Variants in CSPP1 observed in about 807,000 individuals in gnomAD.
CSPP1 encodes centrosome and spindle pole-associated protein 1.
In CSPP1, 126 loss-of-function variants were observed where a neutral mutation model predicts 164.4. The ratio of observed to expected loss-of-function variants is 0.77; its 90% CI spans 0.66 to 0.89. CSPP1 has a LOEUF of 0.89. CSPP1 is among the 40% of genes least tolerant of loss of function. The pLI is 0.00. For synonymous variants in CSPP1, 472 were observed against 476.7 expected, an observed-to-expected ratio of 0.99 and a Z score of 0.13; for missense variants, 1,395 against 1,449.8, an observed-to-expected ratio of 0.96 and a Z score of 0.61.
intron 21 of CSPP1, among the ~76,000 whole-genome samples, chr8:67,160,354 A>G (rs1158463285): frequency 1.3e-5 from 2 of 151,618 alleles, no homozygotes; most frequent in Non-Finnish European, 2.9e-5. Flanking sequence ...AGTCCCAGCT[A>G]CTCAGGAGGC....
intron 9 of CSPP1, among the ~76,000 whole-genome samples, chr8:67,110,420 A>G (rs1305549606): frequency 2.0e-5 from 3 of 152,162 alleles, no homozygotes; most frequent in Non-Finnish European, 4.4e-5. Flanking sequence ...CACCAAGAAC[A>G]TAGCTGGCTG....
intron 15 of CSPP1, among the ~76,000 whole-genome samples, chr8:67,124,281 G>A (rs1468960340): frequency 1.3e-5 from 2 of 151,782 alleles, no homozygotes; most frequent in African/African-American, 4.8e-5. Flanking sequence ...GAGTTTTTTT[G>A]TGGTTTCCCT....
intron 18 of CSPP1, among the ~76,000 whole-genome samples, chr8:67,153,368 T>A (rs376831607): frequency 6.6e-6 from 1 of 152,284 alleles, no homozygotes; most frequent in East Asian, 1.9e-4. Flanking sequence ...ATTGCTTTTA[T>A]GAAATAATTT....
At chr8:67,079,185 G>C (rs1563498046) in intron 3 of CSPP1, among the ~76,000 whole-genome samples, 1 of 152,242 alleles carries the variant, frequency 6.6e-6, no homozygotes, top group Non-Finnish European at 1.5e-5. Flanking sequence ...TTTACTGTTA[G>C]TGTGTTCATG....
intron 17 of CSPP1, among the ~76,000 whole-genome samples, chr8:67,149,156 T>C (rs1019240968): frequency 2.0e-5 from 3 of 152,180 alleles, no homozygotes; most frequent in Non-Finnish European, 2.9e-5. Context: ...TAGGGCTCCC[T>C]TAGTGTCCTT....
intron 1 of CSPP1, chr8:67,065,682 T>G (rs1317662066): frequency 5.3e-6 from 1 of 189,138 alleles, no homozygotes; most frequent in Non-Finnish European, 9.8e-6. Flanking sequence ...CTCGCTCTGT[T>G]GTACAGGCTG....
In CSPP1 at chr8:67,193,537, TTA is replaced by T. The variant is rs2129575958; in HGVS notation, c.3405_3406del (p.Arg1136SerfsTer4). The stretch of plus-strand genomic sequence containing the variant: ...ATATCCAGTGTAAATGTTGATGAGC[TTA>T]GAGTGAGAAATGAGGAACGAATGCG... On this transcript the variant is annotated frameshift_variant, in exon 30 of 31. Coordinates refer to ENST00000678616, the MANE Select transcript of CSPP1 (RefSeq NM_001382391.1). LOFTEE classifies it high-confidence loss of function. The T allele has an allele frequency of 6.2e-7, 1 of 1,613,414 alleles. No individual in the cohort carries two copies. The highest frequency in any genetic ancestry group is 8.5e-7 in the Non-Finnish European group (1 of 1,179,310).
chr8:67,195,010 T>G (rs1324040262), intron 30 of CSPP1, among the ~76,000 whole-genome samples: 1 of 152,212 alleles, frequency 6.6e-6, no homozygotes, highest in Admixed American at 6.5e-5. Context: ...AGAAATTTTA[T>G]GTGTAGCCAT....
chr8:67,171,244 C>G (rs116931494), intron 24 of CSPP1, among the ~76,000 whole-genome samples: 7,017 of 151,368 alleles, frequency 0.046, 235 homozygotes, highest in Non-Finnish European at 0.074. Context: ...ACTAAAAATA[C>G]AGAAAAATCA....
chr8:67,159,236 T>G, intron 21 of CSPP1, 99 bp downstream of exon 21: 17 of 874,712 alleles, frequency 1.9e-5, no homozygotes, highest in East Asian at 2.7e-5. Context: ...GAGGAGGAGG[T>G]GCTTTTGTTC....
At chr8:67,165,463 CCTT>C (rs1314829140) in intron 24 of CSPP1, among the ~76,000 whole-genome samples, 27 of 152,308 alleles carry the variant, frequency 1.8e-4, no homozygotes, top group African/African-American at 6.0e-4. Flanking sequence ...CTAATGTTCT[CCTT>C]CTGTTCATGG....
At chr8:67,159,239 T>A in intron 21 of CSPP1, 102 bp downstream of exon 21, 6 of 1,049,320 alleles carry the variant, frequency 5.7e-6, no homozygotes, top group Non-Finnish European at 7.0e-6. Flanking sequence ...GAGGAGGTGC[T>A]TTTGTTCCTG....
At chr8:67,080,113 G>A (rs937717332) in intron 3 of CSPP1, among the ~76,000 whole-genome samples, 19 of 152,106 alleles carry the variant, frequency 1.2e-4, no homozygotes, top group Admixed American at 1.2e-3. Context: ...CAAATACATA[G>A]TTTCTCACAC....
intron 17 of CSPP1, among the ~76,000 whole-genome samples, chr8:67,138,292 A>G (rs1684597642): frequency 6.6e-6 from 1 of 152,202 alleles, no homozygotes; most frequent in African/African-American, 2.4e-5. Context: ...TTCCTGATAT[A>G]AAATTGGTAA....
chr8:67,172,606 A>T (rs2129567340), intron 25 of CSPP1, 51 bp downstream of exon 25: 3 of 1,456,962 alleles, frequency 2.1e-6, no homozygotes, highest in East Asian at 4.7e-5. Context: ...TTCTACCCAT[A>T]TTTAAATATC....
In CSPP1 at chr8:67,154,136, G is replaced by T; in HGVS notation, c.2241G>T (p.Gln747His). The T allele has an allele frequency of 7.3e-7, 1 of 1,366,020 alleles. No individual in the cohort carries two copies. Among genetic ancestry groups the T allele is most frequent in the Non-Finnish European group, 1.0e-6 (1 of 957,708 alleles). 84.6% of individuals were successfully genotyped at this position (1,366,020 alleles called of 1,614,324 possible). ...QELYKNFLRF[Q>H]IEEKKQREEA... is the part of the protein sequence containing the mutation. The stretch of plus-strand genomic sequence containing the variant: ...TATACAAGAATTTTCTTCGTTTCCA[G>T]GTGAAATGCTATTTGATCAGTTTCA... Residue 747 changes from glutamine (Q) to histidine (H), a missense_variant and splice_region_variant, in exon 19 of 31, where the codon CAG becomes CAT. By Grantham distance (24) the Gln-to-His change is conservative (BLOSUM62 0). Transcript: ENST00000678616.
intron 17 of CSPP1, 98 bp from the exon 18 acceptor site, chr8:67,149,685 T>G: frequency 1.3e-6 from 1 of 793,582 alleles, no homozygotes; most frequent in Non-Finnish European, 1.9e-6. Context: ...TTTGTCCTAT[T>G]GTTTTTCTTT....
At chr8:67,191,039 C>G (rs1441875526) in intron 29 of CSPP1, among the ~76,000 whole-genome samples, 1 of 152,174 alleles carries the variant, frequency 6.6e-6, no homozygotes, top group Non-Finnish European at 1.5e-5. Context: ...ATATGGATTT[C>G]AGAGAGGCAC....
In CSPP1 at chr8:67,163,875, T is replaced by C. The variant is rs746584926; in HGVS notation, c.2710+77T>C. The C allele has an allele frequency of 4.9e-5, 59 of 1,196,330 alleles. 1 individual carries two copies. The South Asian group carries it at 6.5e-4, about 13-fold the overall frequency. 74.1% of individuals were successfully genotyped at this position (1,196,330 alleles called of 1,614,324 possible). The stretch of plus-strand genomic sequence containing the variant: ...TCATTTTGAAATAATTATAAACTCA[T>C]AGAAAATTGCAGAAACAGTATAGAG... On this transcript the variant is annotated intron_variant, in intron 23 of 30. Coordinates refer to ENST00000678616, the MANE Select transcript of CSPP1 (RefSeq NM_001382391.1).
Sources: allele counts gnomAD v4.1 joint callset (sites outside exome capture counted in the v4.1 genomes callset), GRCh38; gene constraint gnomAD v4.1.1; transcripts MANE v1.5; gene names NCBI Gene and HGNC (gene_info 2026-07-23, HGNC 2026-07-21).